Variants in MINDY3 observed in about 807,000 individuals in gnomAD.
The protein encoded by MINDY3 is MINDY lysine 48 deubiquitinase 3, also known as ubiquitin carboxyl-terminal hydrolase MINDY-3.
MINDY3 carries 38 observed loss-of-function variants against 69.2 expected under a neutral mutation model. That is an observed-to-expected ratio of 0.55 (90% CI 0.42 to 0.72). The LOEUF is 0.72. MINDY3 is among the 30% of genes least tolerant of loss of function. The probability of loss-of-function intolerance (pLI) is 0.00; values close to 1 mark genes in which losing one functional copy is unlikely to be tolerated. For missense variants in MINDY3, 522 were observed against 519.0 expected (o/e 1.01, Z -0.06); for synonymous variants, 192 against 180.1 (o/e 1.07, Z -0.53).
intron 10 of MINDY3, among the ~76,000 whole-genome samples, chr10:15,798,293 T>A (rs890843451): frequency 6.6e-6 from 1 of 152,034 alleles, no homozygotes; most frequent in Non-Finnish European, 1.5e-5. Context: ...TGCTACAAAG[T>A]AAAGTTTGGG....
Position 15,789,322 on chromosome 10 carries a change from AG to A in MINDY3, c.956-4del. ...TGAATCGGGTATGAATCCATTATCT[AG>A]GGGGGAAAAAATCAGAAACAACTTG... is the stretch of plus-strand genomic sequence containing the variant. On this transcript the variant is annotated splice_region_variant and splice_polypyrimidine_tract_variant and intron_variant, in intron 11 of 14. Coordinates refer to ENST00000277632, the MANE Select transcript of MINDY3 (RefSeq NM_024948.4). 3 of 1,608,088 alleles carry A rather than the reference AG, an allele frequency of 1.9e-6. No homozygotes were observed. Among genetic ancestry groups the A allele is most frequent in the Non-Finnish European group, 2.6e-6 (3 of 1,175,768 alleles).
intron 13 of MINDY3, among the ~76,000 whole-genome samples, chr10:15,785,678 A>G (rs1836900159): frequency 6.6e-6 from 1 of 152,154 alleles, no homozygotes; most frequent in Admixed American, 6.6e-5. Flanking sequence ...CTACATTGTG[A>G]TATCCTCAGT....
intron 10 of MINDY3, among the ~76,000 whole-genome samples, chr10:15,814,095 A>T (rs1839194557): frequency 6.6e-6 from 1 of 152,116 alleles, no homozygotes; most frequent in Non-Finnish European, 1.5e-5. Flanking sequence ...TAATTTTAAG[A>T]AGAGCGAAAT....
chr10:15,804,659 G>A (rs556628124), intron 10 of MINDY3, among the ~76,000 whole-genome samples: 1 of 152,216 alleles, frequency 6.6e-6, no homozygotes, highest in South Asian at 2.1e-4. Context: ...GGTAAATGCT[G>A]TATAATTTAC....
At chr10:15,795,968 A>T in intron 11 of MINDY3, 132 bp downstream of exon 11, 1 of 738,174 alleles carries the variant, frequency 1.4e-6, no homozygotes, top group Non-Finnish European at 2.3e-6. Context: ...CTTTCCTTTT[A>T]AAATGTTCAA....
intron 4 of MINDY3, among the ~76,000 whole-genome samples, chr10:15,839,749 G>A (rs866705616): frequency 6.2e-4 from 94 of 151,590 alleles, no homozygotes; most frequent in African/African-American, 2.2e-3. Context: ...TGTCACTAAG[G>A]TAAATTCTCA....
intron 8 of MINDY3, among the ~76,000 whole-genome samples, chr10:15,828,537 T>C (rs1840244762): frequency 6.6e-6 from 1 of 151,172 alleles, no homozygotes; most frequent in Non-Finnish European, 1.5e-5. Context: ...CCATTTTAAA[T>C]GGGTGACATG....
intron 14 of MINDY3, among the ~76,000 whole-genome samples, chr10:15,781,589 A>T (rs1028599709): frequency 6.6e-6 from 1 of 152,078 alleles, no homozygotes; most frequent in African/African-American, 2.4e-5. Flanking sequence ...GCTGCAAAGC[A>T]TCATGGGTAG....
chr10:15,811,421 C>T (rs1838990863), intron 10 of MINDY3, among the ~76,000 whole-genome samples: 1 of 152,052 alleles, frequency 6.6e-6, no homozygotes. Flanking sequence ...AGCCATCAAC[C>T]ACTTGCCATC....
chr10:15,798,106 C>G (rs972312890), intron 10 of MINDY3, among the ~76,000 whole-genome samples: 1 of 152,048 alleles, frequency 6.6e-6, no homozygotes, highest in African/African-American at 2.4e-5. Context: ...TTTTTGCGGT[C>G]ACCAATGAAT....
chr10:15,834,636 T>C lies in MINDY3; in HGVS notation c.577-20A>G. On this transcript the variant is annotated intron_variant, in intron 6 of 14. Transcript: ENST00000277632. ...AATGCCCTAAAGAAACAGAATTCAT[T>C]GACTTATTTTAAAAAACTAAAATGA... 1.9e-6 allele frequency: 3 copies of C among 1,565,438 alleles called. No homozygotes were observed. Among genetic ancestry groups the C allele is most frequent in the Non-Finnish European group, 2.6e-6 (3 of 1,138,440 alleles).
At chr10:15,792,014 A>G (rs1426093128) in intron 11 of MINDY3, among the ~76,000 whole-genome samples, 1 of 152,132 alleles carries the variant, frequency 6.6e-6, no homozygotes, top group East Asian at 1.9e-4. Context: ...GTTGTGCAAC[A>G]AACAGCTTAT....
intron 2 of MINDY3, among the ~76,000 whole-genome samples, chr10:15,845,418 T>C (rs920974329): frequency 5.9e-5 from 9 of 152,232 alleles, no homozygotes; most frequent in Non-Finnish European, 1.3e-4. Flanking sequence ...ACTTGCTCAC[T>C]TCTGGTCTCC....
intron 10 of MINDY3, among the ~76,000 whole-genome samples, chr10:15,815,735 T>C (rs1839310616): frequency 6.6e-6 from 1 of 152,206 alleles, no homozygotes; most frequent in Admixed American, 6.5e-5. Context: ...TACTAGGCAC[T>C]GCTAAATACT....
At chr10:15,823,544 T>C (rs907431129) in intron 8 of MINDY3, among the ~76,000 whole-genome samples, 10 of 152,330 alleles carry the variant, frequency 6.6e-5, no homozygotes, top group South Asian at 6.2e-4. Context: ...ATGTTATTTA[T>C]GTTAATATTA....
chr10:15,825,165 A>G (rs893895957), intron 8 of MINDY3, among the ~76,000 whole-genome samples: 1 of 152,160 alleles, frequency 6.6e-6, no homozygotes, highest in African/African-American at 2.4e-5. Flanking sequence ...GAGAGCCAAC[A>G]TGACTCTCAA....
At chr10:15,832,291 C>T (rs1221369491) in intron 8 of MINDY3, among the ~76,000 whole-genome samples, 1 of 152,042 alleles carries the variant, frequency 6.6e-6, no homozygotes, top group Non-Finnish European at 1.5e-5. Flanking sequence ...TCAGCAAGAA[C>T]CTATTGCTTC....
intron 9 of MINDY3, 147 bp downstream of exon 9, chr10:15,821,509 G>A (rs1839757658): frequency 7.3e-6 from 4 of 550,188 alleles, no homozygotes; most frequent in South Asian, 3.2e-5. Context: ...TAACCCTGCT[G>A]GTTTAGGGTG....
chr10:15,850,256 T>C (rs989855817), intron 1 of MINDY3, among the ~76,000 whole-genome samples: 2 of 152,198 alleles, frequency 1.3e-5, no homozygotes, highest in African/African-American at 4.8e-5. Flanking sequence ...TTGTGTTATC[T>C]GCATAAATTG....
Sources: gnomAD v4.1 joint callset for allele counts (sites outside exome capture counted in the v4.1 genomes callset) on GRCh38, gnomAD v4.1.1 for gene constraint, MANE v1.5 for transcripts, NCBI Gene and HGNC (gene_info 2026-07-23, HGNC 2026-07-21) for gene names.